Variants in CFDP1 observed in about 807,000 individuals in gnomAD.
CFDP1 encodes the protein heterochromatin-stabilizing protein CFDP1.
Under a neutral mutation model 40.1 loss-of-function variants are expected in CFDP1, and 31 were observed. The observed-to-expected ratio is 0.77, with a 90% CI of 0.58 to 1.04. CFDP1 has a LOEUF of 1.04. Ranked by LOEUF, CFDP1 falls within the 50% of genes least tolerant of loss-of-function variation. The pLI is 0.00. For synonymous variants in CFDP1, 167 were observed against 120.0 expected (o/e 1.39, Z -2.56); for missense variants, 423 against 343.4 (o/e 1.23, Z -1.83).
intron 5 of CFDP1, among the ~76,000 whole-genome samples, chr16:75,354,144 C>G (rs1478357064): frequency 6.6e-6 from 1 of 152,114 alleles, no homozygotes; most frequent in Non-Finnish European, 1.5e-5. Flanking sequence ...TGATTTTGTC[C>G]AAGTACAGGC....
intron 5 of CFDP1, among the ~76,000 whole-genome samples, chr16:75,344,697 G>A (rs2078549919): frequency 6.6e-6 from 1 of 152,236 alleles, no homozygotes; most frequent in Non-Finnish European, 1.5e-5. Flanking sequence ...ACTTTAGGAG[G>A]CCCAGATGGG....
chr16:75,429,914 G>C (rs1430721162), intron 1 of CFDP1, among the ~76,000 whole-genome samples: 1 of 152,134 alleles, frequency 6.6e-6, no homozygotes, highest in Non-Finnish European at 1.5e-5. Context: ...GCCCTCAAGA[G>C]GTCCTGAGAG....
chr16:75,339,495 G>T (rs2078511685), intron 5 of CFDP1, among the ~76,000 whole-genome samples: 2 of 151,930 alleles, frequency 1.3e-5, no homozygotes, highest in Admixed American at 6.6e-5. Context: ...TTTTATGATG[G>T]TTTGGCGACT....
In CFDP1 at chr16:75,412,517, A is replaced by G. The variant is rs2079171725; in HGVS notation, c.402+18T>C. 3 of 1,588,444 alleles carry G rather than the reference A, an allele frequency of 1.9e-6. No individual in the cohort carries two copies. The African/African-American group carries it at 4.0e-5, about 21-fold the overall frequency. The stretch of plus-strand genomic sequence containing the variant: ...GTATTTCTGGAGAGGCATTCACCTC[A>G]CTAATGTCTCAACTTACCTTAACTT... On this transcript the variant is annotated intron_variant, in intron 3 of 6. Transcript: ENST00000283882.
chr16:75,421,774 C>G (rs1487882708), intron 1 of CFDP1, among the ~76,000 whole-genome samples: 1 of 152,190 alleles, frequency 6.6e-6, no homozygotes, highest in Non-Finnish European at 1.5e-5. Flanking sequence ...CGATATCCCT[C>G]ATAAACACAG....
intron 5 of CFDP1, among the ~76,000 whole-genome samples, chr16:75,370,855 G>C (rs12444789): frequency 0.17 from 25,165 of 151,970 alleles, 2,228 homozygotes; most frequent in Middle Eastern, 0.22. Flanking sequence ...GAGCAAGACT[G>C]TCTCAAAAAT....
At position 75,433,323 on chromosome 16, in the gene CFDP1, A is replaced by G. The variant is rs1265342387; in HGVS notation, c.30T>C (p.Ser10=). MEEFDSEDF[S]TSEEDEDYVP... ...CGTAGTCCTCGTCCTCCTCCGACGT[A>G]GAGAAGTCTTCGGAGTCGAATTCCT... Residue 10 remains serine, a synonymous_variant, in exon 1 of 7, where the codon TCT becomes TCC. Coordinates refer to ENST00000283882, the MANE Select transcript of CFDP1 (RefSeq NM_006324.3). The G allele has an allele frequency of 6.2e-7, 1 of 1,602,362 alleles. No individual in the cohort carries two copies. Among genetic ancestry groups the G allele is most frequent in the Non-Finnish European group, 8.5e-7 (1 of 1,175,248 alleles).
At chr16:75,337,737 A>G (rs1221170636) in intron 5 of CFDP1, among the ~76,000 whole-genome samples, 1 of 152,094 alleles carries the variant, frequency 6.6e-6, no homozygotes, top group Admixed American at 6.6e-5. Context: ...AGAACTCACT[A>G]TCACGAAAAC....
chr16:75,342,147 T>C (rs964904423), intron 5 of CFDP1, among the ~76,000 whole-genome samples: 1 of 152,240 alleles, frequency 6.6e-6, no homozygotes, highest in Non-Finnish European at 1.5e-5. Context: ...CAGGATTGAT[T>C]TGTGGCTTCT....
chr16:75,319,471 C>T (rs1223019737), intron 5 of CFDP1, among the ~76,000 whole-genome samples: 2 of 152,118 alleles, frequency 1.3e-5, no homozygotes, highest in African/African-American at 2.4e-5. Flanking sequence ...GCTTTATGGT[C>T]GTTGCATTAC....
intron 1 of CFDP1, among the ~76,000 whole-genome samples, chr16:75,427,937 C>T (rs985372426): frequency 3.3e-5 from 5 of 152,186 alleles, no homozygotes; most frequent in African/African-American, 1.2e-4. Flanking sequence ...TGCAACAACA[C>T]AGGTGAATCT....
chr16:75,416,992 G>T (rs2079213998), intron 1 of CFDP1, among the ~76,000 whole-genome samples: 1 of 152,048 alleles, frequency 6.6e-6, no homozygotes, highest in African/African-American at 2.4e-5. Flanking sequence ...TGAACCTAGT[G>T]AGACCCCATA....
At chr16:75,408,659 C>G (rs1465880066) in intron 4 of CFDP1, among the ~76,000 whole-genome samples, 1 of 151,570 alleles carries the variant, frequency 6.6e-6, no homozygotes, top group Admixed American at 6.6e-5. Context: ...ACCTGTAATC[C>G]CAGCCACTCG....
chr16:75,383,320 A>C (rs1017259635), intron 5 of CFDP1, among the ~76,000 whole-genome samples: 2 of 152,230 alleles, frequency 1.3e-5, no homozygotes, highest in African/African-American at 4.8e-5. Context: ...TATTTATCTA[A>C]TATGAATCTT....
chr16:75,392,524 G>A (rs1440536489), intron 5 of CFDP1, among the ~76,000 whole-genome samples: 5 of 152,132 alleles, frequency 3.3e-5, no homozygotes, highest in African/African-American at 1.2e-4. Flanking sequence ...TTGAGACAAG[G>A]TCTCCCTCTG....
At chr16:75,395,424 G>T (rs1414620576) in intron 4 of CFDP1, among the ~76,000 whole-genome samples, 1 of 152,144 alleles carries the variant, frequency 6.6e-6, no homozygotes, top group East Asian at 1.9e-4. Context: ...ACTTTGGGAG[G>T]CCGAGGCAGG....
rs753608526 is a variant in CFDP1, at chr16:75,433,276, C to A, written c.64+13G>T. On this transcript the variant is annotated intron_variant, in intron 1 of 6. Coordinates refer to ENST00000283882, the MANE Select transcript of CFDP1 (RefSeq NM_006324.3). The stretch of plus-strand genomic sequence containing the variant: ...GGGGCAATTCGCTTCTCGCCTCAGG[C>A]GGAATCGCTCACCCGACGGCACGTA... 3.8e-6 allele frequency: 6 copies of A among 1,592,716 alleles called. No individual in the cohort carries two copies. In the East Asian group the frequency reaches 1.1e-4, roughly 30 times the overall value.
At chr16:75,304,813 G>T (rs2078246516) in intron 6 of CFDP1, among the ~76,000 whole-genome samples, 1 of 152,172 alleles carries the variant, frequency 6.6e-6, no homozygotes, top group Non-Finnish European at 1.5e-5. Flanking sequence ...CTCCTCACAT[G>T]CCCCGCCTTC....
chr16:75,429,425 G>C (rs1046863170), intron 1 of CFDP1, among the ~76,000 whole-genome samples: 7 of 152,156 alleles, frequency 4.6e-5, no homozygotes, highest in African/African-American at 1.7e-4. Context: ...AGGCTGAGGA[G>C]GGCGGATCAC....
Sources: gnomAD v4.1 joint callset for allele counts (sites outside exome capture counted in the v4.1 genomes callset) on GRCh38, gnomAD v4.1.1 for gene constraint, MANE v1.5 for transcripts, NCBI Gene and HGNC (gene_info 2026-07-23, HGNC 2026-07-21) for gene names.